The following IRAG2 variants were observed in gnomAD, a reference collection of about 807,000 sequenced individuals.
IRAG2 encodes inositol 1,4,5-triphosphate receptor associated 2.
A neutral mutation model predicts 69.9 loss-of-function variants in IRAG2; 45 were observed. The ratio of observed to expected loss-of-function variants is 0.64; its 90% CI spans 0.51 to 0.83. The LOEUF (loss-of-function observed/expected upper bound fraction) is 0.83, where lower values mean the gene tolerates loss of function less well. Among genes scored for constraint, IRAG2 ranks in the 40% least tolerant of loss-of-function variants. The pLI is 0.00. For missense variants in IRAG2, 520 were observed against 587.0 expected (o/e 0.89, Z 1.18); for synonymous variants, 193 against 202.4 (o/e 0.95, Z 0.40).
At chr12:25,101,643 G>A (rs559601307) in intron 16 of IRAG2, among the ~76,000 whole-genome samples, 59 of 152,222 alleles carry the variant, frequency 3.9e-4, no homozygotes, top group Non-Finnish European at 7.1e-4. Flanking sequence ...TTCTCCACAC[G>A]TAAAAAGTAA....
At chr12:25,071,413 A>C (rs976139265) in intron 6 of IRAG2, among the ~76,000 whole-genome samples, 4 of 152,220 alleles carry the variant, frequency 2.6e-5, no homozygotes, top group Non-Finnish European at 4.4e-5. Context: ...AGCAATTCTT[A>C]TAAAGTTTTA....
chr12:25,104,367 T>A lies in IRAG2; in HGVS notation c.1053T>A (p.Ile351=). The A allele has an allele frequency of 6.2e-7, 1 of 1,604,442 alleles. No homozygotes were observed. Among genetic ancestry groups the A allele is most frequent in the South Asian group, 1.1e-5 (1 of 90,888 alleles). ...TATAATCATCTTTATTTAGGCGTAT[T>A]TTGGGGTCAAAGCAGAGTGAACACC... ...RFSRRSSSWR[I]LGSKQSEHRP... The change falls in exon 20 of 22, where the codon ATT becomes ATA. Residue 351 remains isoleucine, a synonymous_variant. Transcript: ENST00000556887.
chr12:25,040,527 GA>G (rs1458198744), intron 16 of IRAG2, among the ~76,000 whole-genome samples: 2 of 151,980 alleles, frequency 1.3e-5, no homozygotes. Context: ...GAGAGAGAGA[GA>G]GAGAAAAGAA....
intron 19 of IRAG2, 81 bp downstream of exon 19, chr12:25,104,139 T>C: frequency 2.6e-6 from 3 of 1,154,940 alleles, no homozygotes; most frequent in Non-Finnish European, 3.8e-6. Context: ...TCAAATTAAG[T>C]GATATAGTAA....
At chr12:25,090,696 C>T in intron 14 of IRAG2, 1 of 330,352 alleles carries the variant, frequency 3.0e-6, no homozygotes, top group Non-Finnish European at 6.0e-6. Context: ...AGTAAGAATG[C>T]AGGATCAGGC....
chr12:25,069,402 A>T lies in IRAG2; in HGVS notation c.-6A>T, dbSNP rs781009889. On this transcript the variant is annotated 5_prime_UTR_variant, in exon 6 of 22. Transcript: ENST00000556887. ...CCCAGGAACGAATCTCTCAGGCTGC[A>T]TCAGGATGAATGATGACCCAAGTAT... is the stretch of plus-strand genomic sequence containing the variant. 1.2e-6 allele frequency: 2 copies of T among 1,614,076 alleles called. No homozygotes were observed. Among genetic ancestry groups the T allele is most frequent in the Non-Finnish European group, 1.7e-6 (2 of 1,179,932 alleles).
chr12:24,999,956 T>A (rs1253233722), upstream of IRAG2, among the ~76,000 whole-genome samples: 4 of 152,220 alleles, frequency 2.6e-5, no homozygotes, highest in African/African-American at 7.2e-5. Context: ...TTATCTGAGA[T>A]TAAAATTTTA....
At chr12:25,032,276 G>A (rs887508568) in intron 11 of IRAG2, 2 of 398,872 alleles carry the variant, frequency 5.0e-6, no homozygotes, top group Non-Finnish European at 8.8e-6. Flanking sequence ...AGAGTAACAT[G>A]TACAGCCTAA....
intron 1 of IRAG2, among the ~76,000 whole-genome samples, chr12:25,053,953 C>T (rs767651514): frequency 4.6e-5 from 7 of 151,872 alleles, no homozygotes; most frequent in Admixed American, 1.3e-4. Context: ...AATGGTTTGC[C>T]GGACACAGTG....
intron 11 of IRAG2, 139 bp downstream of exon 11, chr12:25,088,296 T>G: frequency 1.5e-6 from 1 of 668,648 alleles, no homozygotes; most frequent in South Asian, 1.9e-5. Flanking sequence ...GACCGATTAT[T>G]GATTCCATTT....
intron 16 of IRAG2, among the ~76,000 whole-genome samples, chr12:25,040,046 T>A (rs1241455771): frequency 6.6e-6 from 1 of 152,342 alleles, no homozygotes; most frequent in East Asian, 1.9e-4. Context: ...CATCGACTTG[T>A]TAAATCTGAT....
rs1219893347 is a variant in IRAG2, at chr12:25,108,051, A to G, written c.1491A>G (p.Pro497=). The G allele has an allele frequency of 6.2e-7, 1 of 1,613,542 alleles. No homozygotes were observed. The highest frequency in any genetic ancestry group is 1.7e-5 in the Admixed American group (1 of 59,994). Residue 497 remains proline (P), a synonymous_variant, in exon 22 of 22, where the codon CCA becomes CCG. Transcript: ENST00000556887. ...PFTRLRHNGP[P]PV ...CCAGACTCCGACACAATGGGCCACC[A>G]CCAGTGTGACAGCAGGACATCCTAA...
intron 1 of IRAG2, among the ~76,000 whole-genome samples, chr12:25,053,997 C>T (rs148688962): frequency 0.015 from 2,296 of 151,946 alleles, 59 homozygotes; most frequent in African/African-American, 0.053. Context: ...TTTGGGAGGC[C>T]GAGGTGGGCA....
intron 15 of IRAG2, among the ~76,000 whole-genome samples, chr12:25,037,771 A>G (rs1029260147): frequency 2.0e-5 from 3 of 152,218 alleles, no homozygotes; most frequent in Non-Finnish European, 4.4e-5. Flanking sequence ...TTACATTGAC[A>G]TAACCAATAG....
chr12:25,019,730 G>T (rs774850521), intron 6 of IRAG2, among the ~76,000 whole-genome samples: 8 of 151,496 alleles, frequency 5.3e-5, no homozygotes, highest in Non-Finnish European at 1.2e-4. Context: ...AGGTTTGAGG[G>T]TGGAACCCTT....
chr12:25,096,769 A>G (rs1948445578), intron 14 of IRAG2, 141 bp from the exon 15 acceptor site: 1 of 644,816 alleles, frequency 1.6e-6, no homozygotes, highest in Non-Finnish European at 2.6e-6. Context: ...ATCATTCATT[A>G]TTGATCTTTG....
intron 13 of IRAG2, chr12:25,035,643 C>A: frequency 2.5e-6 from 1 of 398,948 alleles, no homozygotes; most frequent in African/African-American, 2.1e-5. Flanking sequence ...CATTTCGATC[C>A]TTGTTTCAGA....
chr12:25,012,560 G>A (rs1009250950), intron 3 of IRAG2, among the ~76,000 whole-genome samples: 3 of 152,036 alleles, frequency 2.0e-5, no homozygotes, highest in Non-Finnish European at 4.4e-5. Context: ...GGGCGCGATG[G>A]CTCACACCTG....
intron 1 of IRAG2, among the ~76,000 whole-genome samples, chr12:25,060,043 T>A (rs1029997129): frequency 1.3e-5 from 2 of 151,962 alleles, no homozygotes; most frequent in African/African-American, 2.4e-5. Context: ...TTAGTGATTT[T>A]AAAAAAAAGT....
Sources: gnomAD v4.1 joint callset for allele counts (sites outside exome capture counted in the v4.1 genomes callset) on GRCh38, gnomAD v4.1.1 for gene constraint, MANE v1.5 for transcripts, NCBI Gene and HGNC (gene_info 2026-07-23, HGNC 2026-07-21) for gene names.